Variants in FAM161B observed in about 807,000 individuals in gnomAD.
FAM161B encodes the protein FAM161 centrosomal protein B.
A neutral mutation model predicts 61.5 loss-of-function variants in FAM161B; 46 were observed. The ratio of observed to expected loss-of-function variants is 0.75; its 90% CI spans 0.59 to 0.96. The LOEUF (loss-of-function observed/expected upper bound fraction) is 0.96, where lower values mean the gene tolerates loss of function less well. Ranked by LOEUF, FAM161B falls within the 40% of genes least tolerant of loss-of-function variation. FAM161B has a pLI of 0.00. For missense variants in FAM161B, 774 were observed against 800.7 expected, an observed-to-expected ratio of 0.97 and a Z score of 0.40; for synonymous variants, 284 against 302.7, an observed-to-expected ratio of 0.94 and a Z score of 0.64.
the FAM161B span, among the ~76,000 whole-genome samples, chr14:73,924,382 G>A: frequency 6.6e-6 from 1 of 152,154 alleles, no homozygotes; most frequent in Non-Finnish European, 1.5e-5. Context: ...AACAGGGCAC[G>A]GACCAGTGCT....
At chr14:73,926,205 A>C in the FAM161B span, among the ~76,000 whole-genome samples, 1 of 152,152 alleles carries the variant, frequency 6.6e-6, no homozygotes, top group African/African-American at 2.4e-5. Context: ...AAACTATAAT[A>C]TCTTTACCAC....
At chr14:73,927,016 C>T (rs544098668), downstream of FAM161B, 1 of 154,328 alleles carries the variant, frequency 6.5e-6, no homozygotes, top group Admixed American at 6.5e-5. Context: ...TGATCATAGC[C>T]TAGATCTATT....
downstream of FAM161B, chr14:73,931,711 T>G (rs1270428003): frequency 2.0e-5 from 13 of 639,926 alleles, no homozygotes; most frequent in Non-Finnish European, 3.6e-5. Flanking sequence ...TAGGAGAGCT[T>G]CTTTTCTAAC....
downstream of FAM161B, chr14:73,931,404 T>C (rs995753109): frequency 8.8e-6 from 9 of 1,022,756 alleles, no homozygotes; most frequent in African/African-American, 1.3e-4. Flanking sequence ...ACCCCTGTAG[T>C]GCATTCTCCA....
rs1435228585 is a variant in FAM161B at position 73,938,217 on chromosome 14, G to C, written c.1401-105C>G. The stretch of plus-strand genomic sequence containing the variant: ...CTCACACTTGTAGTCCTAGCACTTT[G>C]GGAGGCCAAGGCAGGTGGATCACCT... On this transcript the variant is annotated intron_variant, in intron 5 of 8. Coordinates refer to ENST00000286544, the MANE Select transcript of FAM161B (RefSeq NM_152445.3). The C allele has an allele frequency of 3.0e-6, 4 of 1,344,072 alleles. No homozygotes were observed. The Admixed American group carries it at 8.3e-5, about 28-fold the overall frequency. The allele number at this position is 1,344,072 out of a possible 1,614,324, so 83.3% of individuals were successfully genotyped here. A position where few individuals can be genotyped will look rare whatever the true frequency, so the allele number is the denominator to read the frequency against.
Position 73,942,464 on chromosome 14 carries a change from G to C in FAM161B, c.1177C>G (p.Gln393Glu). The C allele has an allele frequency of 1.2e-6, 2 of 1,614,192 alleles. No individual in the cohort carries two copies. Among genetic ancestry groups the C allele is most frequent in the Non-Finnish European group, 1.7e-6 (2 of 1,180,038 alleles). Residue 393 changes from glutamine to glutamate, a missense_variant, in exon 4 of 9, where the codon CAA becomes GAA. Transcript: ENST00000286544. ...AAGGGCTTGTTGCGAGTGGCCTCTTGGGTTTCTCTTCTTTTGGCTGCTCTT... is the reference window on the plus strand; with the variant it reads ...AAGGGCTTGTTGCGAGTGGCCTCTTCGGTTTCTCTTCTTTTGGCTGCTCTT... ...QRRAAKRRET[Q>E]EATRNKPFLL...
chr14:73,935,547 A>AT (rs2055964917), intron 8 of FAM161B, among the ~76,000 whole-genome samples: 1 of 92,980 alleles, frequency 1.1e-5, no homozygotes, highest in Non-Finnish European at 2.6e-5. Context: ...AATACAAAAA[A>AT]TAAAAAAAAA....
At chr14:73,931,641 T>C, downstream of FAM161B, 1 of 1,118,198 alleles carries the variant, frequency 8.9e-7, no homozygotes, top group Non-Finnish European at 1.3e-6. Flanking sequence ...GAATGAATCT[T>C]TGAAGGCACA....
At position 73,946,306 on chromosome 14, in the gene FAM161B, G is replaced by T; in HGVS notation, c.354C>A (p.Val118=). The T allele has an allele frequency of 6.2e-7, 1 of 1,613,942 alleles. No individual in the cohort carries two copies. Among genetic ancestry groups the T allele is most frequent in the Non-Finnish European group, 8.5e-7 (1 of 1,179,956 alleles). Residue 118 remains valine (V), a synonymous_variant, in exon 2 of 9, where the codon GTC becomes GTA. Coordinates refer to ENST00000286544, the MANE Select transcript of FAM161B (RefSeq NM_152445.3). ...CTTACCTCAGAGCCTGCGGGCACTG[G>T]ACCTGCACCATCCCCCTGTCCTTGT... ...FQDKDRGMVQ[V]QCPQALRCGS...
At chr14:73,925,920 A>G in the FAM161B span, among the ~76,000 whole-genome samples, 94 of 152,122 alleles carry the variant, frequency 6.2e-4, no homozygotes, top group Admixed American at 5.2e-3. Flanking sequence ...TGTGGTCCCA[A>G]CTACTCGGGA....
At chr14:73,924,916 A>T in the FAM161B span, 1 of 302,602 alleles carries the variant, frequency 3.3e-6, no homozygotes, top group Non-Finnish European at 6.4e-6. Flanking sequence ...TGACCTCGTG[A>T]TCTGCCCACC....
chr14:73,933,128 T>C lies in FAM161B; in HGVS notation c.*1128A>G, dbSNP rs2055939565. 1 of 152,312 alleles carries C rather than the reference T, an allele frequency of 6.6e-6. No individual in the cohort carries two copies. Among genetic ancestry groups the C allele is most frequent in the Non-Finnish European group, 1.5e-5 (1 of 68,112 alleles). 9.4% of individuals were successfully genotyped at this position (152,312 alleles called of 1,614,324 possible). A position where few individuals can be genotyped will look rare whatever the true frequency, so the allele number is the denominator to read the frequency against. On this transcript the variant is annotated 3_prime_UTR_variant, in exon 9 of 9. Coordinates refer to ENST00000286544, the MANE Select transcript of FAM161B (RefSeq NM_152445.3). ...ATGACATGCATAATCACATAGTACA[T>C]AGACTGTGTTCATGGCAATTACTTG...
downstream of FAM161B, chr14:73,927,089 A>ATTTT: frequency 2.6e-5 from 4 of 151,328 alleles, no homozygotes; most frequent in South Asian, 3.2e-4. Context: ...GTTTATTATG[A>ATTTT]TTTTTTTTTT....
At chr14:73,935,310 G>A (rs1441538973) in intron 8 of FAM161B, among the ~76,000 whole-genome samples, 7 of 152,000 alleles carry the variant, frequency 4.6e-5, no homozygotes, top group Admixed American at 3.3e-4. Flanking sequence ...GGTAGATCAC[G>A]AGGTGAGGAG....
rs45609933 is a variant in FAM161B at position 73,934,327 on chromosome 14, G to A, written c.1873C>T (p.Pro625Ser). Residue 625 changes from proline (P) to serine (S), a missense_variant, in exon 9 of 9, where the codon CCT (proline) becomes TCT (serine). Physicochemically the swap from Pro to Ser is moderately conservative, Grantham distance 74 (BLOSUM62 -1). Coordinates refer to ENST00000286544, the MANE Select transcript of FAM161B (RefSeq NM_152445.3). Reference sequence around the variant, plus strand: ...TCCAGTACTTTCCTGGGGCTTGCAGGCTGTTCTAGAGATCCTTCTAAACCC... The same window carrying A: ...TCCAGTACTTTCCTGGGGCTTGCAGACTGTTCTAGAGATCCTTCTAAACCC... Reference protein sequence around the residue: ...EQGLEGSLEQPASPRKVLEEL... With the variant: ...EQGLEGSLEQSASPRKVLEEL... 0.032 allele frequency: 52,155 copies of A among 1,614,030 alleles called. 973 individuals carry two copies. The highest frequency in any genetic ancestry group is 0.038 in the Non-Finnish European group (45,314 of 1,179,974).
At position 73,949,953 on chromosome 14, in the gene FAM161B, AG is replaced by A; in HGVS notation, c.54+19del. The A allele has an allele frequency of 6.2e-7, 1 of 1,612,668 alleles. No homozygotes were observed. The highest frequency in any genetic ancestry group is 8.5e-7 in the Non-Finnish European group (1 of 1,179,512). On this transcript the variant is annotated intron_variant, in intron 1 of 8. Transcript: ENST00000286544. ...TCTCCGGGATTCCTTTCCCGGGGGC[AG>A]TCTCTTTTCTCTCCTCACCTGACGG...
chr14:73,925,833 A>T, the FAM161B span, among the ~76,000 whole-genome samples: 2,185 of 152,108 alleles, frequency 0.014, 47 homozygotes, highest in African/African-American at 0.049. Context: ...GGAGTTCAAG[A>T]CCAGCCTGGG....
rs1312021267 is a variant in FAM161B at position 73,944,494 on chromosome 14, A to T, written c.766T>A (p.Leu256Met). ...QKRKELLLSS[L>M]KPFSFLEKEE... is the part of the protein sequence containing the mutation. ...TTCTCCAGGAAGCTGAAGGGCTTCAAAGAAGAGAGGAGCAGTTCCTTCCTC... is the reference window on the plus strand; with the variant it reads ...TTCTCCAGGAAGCTGAAGGGCTTCATAGAAGAGAGGAGCAGTTCCTTCCTC... Residue 256 changes from leucine to methionine, a missense_variant, in exon 3 of 9, where the codon TTG becomes ATG. Physicochemically the swap from Leu to Met is conservative, Grantham distance 15. Transcript: ENST00000286544. The T allele has an allele frequency of 1.2e-6, 2 of 1,614,054 alleles. No individual in the cohort carries two copies. Among genetic ancestry groups the T allele is most frequent in the Admixed American group, 3.3e-5 (2 of 60,032 alleles).
chr14:73,942,802 T>C (rs1207122217), intron 3 of FAM161B, 87 bp from the exon 4 acceptor site: 5 of 1,236,714 alleles, frequency 4.0e-6, no homozygotes, highest in Non-Finnish European at 5.6e-6. Context: ...ACACACTAGC[T>C]GTAAGTGTTA....
Sources: allele counts gnomAD v4.1 joint callset (sites outside exome capture counted in the v4.1 genomes callset), GRCh38; gene constraint gnomAD v4.1.1; transcripts MANE v1.5; gene names NCBI Gene and HGNC (gene_info 2026-07-23, HGNC 2026-07-21).